The following ATP9B variants were observed in gnomAD, a reference collection of about 807,000 sequenced individuals.
The protein encoded by ATP9B is probable phospholipid-transporting ATPase IIB.
A neutral mutation model predicts 146.1 loss-of-function variants in ATP9B; 110 were observed. The ratio of observed to expected loss-of-function variants is 0.75; its 90% CI spans 0.65 to 0.88. The LOEUF is 0.88. Among genes scored for constraint, ATP9B ranks in the 40% least tolerant of loss-of-function variants. The pLI is 0.00. For synonymous variants in ATP9B, 604 were observed against 569.7 expected (o/e 1.06, Z -0.86); for missense variants, 1,499 against 1,496.4 (o/e 1.00, Z -0.03).
chr18:79,258,107 G>A (rs1381742435), intron 12 of ATP9B, among the ~76,000 whole-genome samples: 4 of 152,164 alleles, frequency 2.6e-5, no homozygotes, highest in Admixed American at 1.3e-4. Context: ...ATTAGTTTAC[G>A]CAATAAGCAT....
chr18:79,244,855 C>T (rs1431153224), intron 11 of ATP9B, among the ~76,000 whole-genome samples: 1 of 152,170 alleles, frequency 6.6e-6, no homozygotes, highest in Non-Finnish European at 1.5e-5. Flanking sequence ...TTAAAGAAAG[C>T]CATGGTCTTC....
chr18:79,193,209 T>G lies in ATP9B; in HGVS notation c.900T>G (p.Val300=). Residue 300 remains valine, a synonymous_variant, in exon 9 of 30, where the codon GTT becomes GTG. Transcript: ENST00000426216. ...ACCTTTTTTCTATCAGTGCTTATGT[T>G]TATGCTCAGAAACCACAAATGGACA... ...LGDLFSISAY[V]YAQKPQMDIH... 6.2e-7 allele frequency: 1 copy of G among 1,611,362 alleles called. No homozygotes were observed. Among genetic ancestry groups the G allele is most frequent in the Non-Finnish European group, 8.5e-7 (1 of 1,177,610 alleles).
chr18:79,185,666 A>G (rs2095301164), intron 8 of ATP9B, among the ~76,000 whole-genome samples: 1 of 152,216 alleles, frequency 6.6e-6, no homozygotes, highest in African/African-American at 2.4e-5. Context: ...TTCTATAGAG[A>G]AGAAAGCTCT....
At chr18:79,337,138 T>A in intron 18 of ATP9B, 141 bp from the exon 19 acceptor site, 3 of 1,143,816 alleles carry the variant, frequency 2.6e-6, no homozygotes, top group Non-Finnish European at 2.5e-6. Context: ...AGTCCAGCTC[T>A]GTGGAGTACA....
chr18:79,278,851 A>T (rs1170504610), intron 13 of ATP9B, among the ~76,000 whole-genome samples: 3 of 152,168 alleles, frequency 2.0e-5, no homozygotes, highest in African/African-American at 7.2e-5. Flanking sequence ...TAAAGAATAA[A>T]TAAATCCATG....
chr18:79,339,291 G>GGAAGTGTGTCATGATCGTAA, intron 19 of ATP9B, among the ~76,000 whole-genome samples: 1 of 150,892 alleles, frequency 6.6e-6, no homozygotes, highest in Non-Finnish European at 1.5e-5. Flanking sequence ...CATGATCGTA[G>GGAAGTGTGTCATGATCGTAA]TAGGAAGTAT....
intron 1 of ATP9B, chr18:79,087,261 A>G (rs1193730662): frequency 6.6e-6 from 1 of 152,232 alleles, no homozygotes; most frequent in Non-Finnish European, 1.5e-5. Context: ...AATGCTTCCC[A>G]TTAGGCACTA....
intron 7 of ATP9B, among the ~76,000 whole-genome samples, chr18:79,160,559 A>G (rs1378996467): frequency 6.6e-6 from 1 of 152,226 alleles, no homozygotes; most frequent in Non-Finnish European, 1.5e-5. Context: ...AAATATGAAA[A>G]CAGTTTTGGG....
intron 12 of ATP9B, among the ~76,000 whole-genome samples, chr18:79,272,144 C>T (rs906958983): frequency 3.5e-4 from 53 of 152,156 alleles, no homozygotes; most frequent in Non-Finnish European, 5.6e-4. Context: ...AGCCCTTTGT[C>T]AGATGAGTAG....
At chr18:79,220,493 C>G (rs1247028633) in intron 11 of ATP9B, among the ~76,000 whole-genome samples, 2 of 152,018 alleles carry the variant, frequency 1.3e-5, no homozygotes. Context: ...ACCAGCTACT[C>G]AGGAGGCTGA....
intron 11 of ATP9B, among the ~76,000 whole-genome samples, chr18:79,245,388 A>G (rs973125321): frequency 7.2e-5 from 11 of 152,104 alleles, no homozygotes; most frequent in African/African-American, 2.7e-4. Context: ...TGGTCTTGGC[A>G]AAACCATTTA....
At chr18:79,302,250 G>C (rs1361110105) in intron 13 of ATP9B, among the ~76,000 whole-genome samples, 5 of 152,208 alleles carry the variant, frequency 3.3e-5, no homozygotes, top group African/African-American at 4.8e-5. Context: ...TCTTGGATGT[G>C]CTGTGAAATA....
chr18:79,156,268 C>G (rs1348287489), intron 7 of ATP9B, among the ~76,000 whole-genome samples: 2 of 152,184 alleles, frequency 1.3e-5, no homozygotes, highest in Non-Finnish European at 2.9e-5. Flanking sequence ...TCTCTTTCCT[C>G]TTGGAAACAC....
chr18:79,230,902 C>G (rs929020244), intron 11 of ATP9B, among the ~76,000 whole-genome samples: 19 of 152,098 alleles, frequency 1.2e-4, no homozygotes, highest in African/African-American at 4.6e-4. Context: ...CAAACAAAAA[C>G]ATAAAGCGAG....
intron 12 of ATP9B, among the ~76,000 whole-genome samples, chr18:79,259,614 A>AGCTC (rs1483737677): frequency 6.6e-6 from 1 of 152,176 alleles, no homozygotes; most frequent in Non-Finnish European, 1.5e-5. Flanking sequence ...TCTAGCCTCC[A>AGCTC]ACCCAGTGAG....
chr18:79,121,296 TC>T (rs1397742495), intron 4 of ATP9B, among the ~76,000 whole-genome samples: 65 of 152,252 alleles, frequency 4.3e-4, no homozygotes, highest in Non-Finnish European at 2.2e-4. Context: ...GTCCATGTTG[TC>T]CAGTCTGTGT....
rs529530279 is a variant in ATP9B, at chr18:79,221,062, C to T, written c.1107+7024C>T. ...ATCCCTGCTACATAGAATGGTTAAG[C>T]AATTGACATTTTCCAATGTGTTGCT... On this transcript the variant is annotated intron_variant, in intron 11 of 29. Transcript: ENST00000426216. Among the ~76,000 whole-genome samples, 8 of 152,330 alleles carry T rather than the reference C, an allele frequency of 5.3e-5. No individual in the cohort carries two copies. The South Asian group carries it at 1.7e-3, about 32-fold the overall frequency.
chr18:79,140,675 G>C (rs1353760201), intron 5 of ATP9B, among the ~76,000 whole-genome samples: 1 of 152,158 alleles, frequency 6.6e-6, no homozygotes, highest in Non-Finnish European at 1.5e-5. Context: ...AGCTACTTGG[G>C]AGGCTGAGGC....
intron 11 of ATP9B, among the ~76,000 whole-genome samples, chr18:79,246,315 CTGAGGAGGGCACCGCCCTACTGACTG>C (rs1568485677): frequency 1.5e-5 from 2 of 131,882 alleles, no homozygotes. Flanking sequence ...GCCCTACTGA[CTGAGGAGGGCACCGCCCTACTGACTG>C]TGCGGAGGGC....
Sources: allele counts gnomAD v4.1 joint callset (sites outside exome capture counted in the v4.1 genomes callset), GRCh38; gene constraint gnomAD v4.1.1; transcripts MANE v1.5; gene names NCBI Gene and HGNC (gene_info 2026-07-23, HGNC 2026-07-21).